The following PCDHA5 variants were observed in gnomAD, a reference collection of about 807,000 sequenced individuals.
PCDHA5 encodes the protein protocadherin alpha 5.
In PCDHA5, 43 loss-of-function variants were observed where a neutral mutation model predicts 61.6. The ratio of observed to expected loss-of-function variants is 0.70; its 90% confidence interval spans 0.55 to 0.90. The LOEUF (loss-of-function observed/expected upper bound fraction) is 0.90. PCDHA5 is among the 40% of genes least tolerant of loss of function. The pLI is 0.00. For synonymous variants in PCDHA5, 627 were observed against 543.9 expected (o/e 1.15, Z -2.13); for missense variants, 1,298 against 1,222.7 (o/e 1.06, Z -0.92).
chr5:140,963,288 G>A (rs908553196), intron 1 of PCDHA5, among the ~76,000 whole-genome samples: 2 of 152,126 alleles, frequency 1.3e-5, no homozygotes, highest in Non-Finnish European at 2.9e-5. Flanking sequence ...ATTTTATAAG[G>A]AGGAGAGAAA....
intron 1 of PCDHA5, among the ~76,000 whole-genome samples, chr5:140,831,411 G>A (rs1771518698): frequency 6.6e-6 from 1 of 151,592 alleles, no homozygotes; most frequent in South Asian, 2.1e-4. Context: ...CCATGCTGGA[G>A]TACAGTGGTG....
chr5:140,988,204 AG>A (rs2097287084), intron 3 of PCDHA5, among the ~76,000 whole-genome samples: 1 of 152,100 alleles, frequency 6.6e-6, no homozygotes, highest in South Asian at 2.1e-4. Context: ...TATCCTTATT[AG>A]GAAAAAAAAA....
intron 1 of PCDHA5, chr5:140,834,797 GA>G (rs2150227028): frequency 1.2e-6 from 2 of 1,613,022 alleles, no homozygotes; most frequent in South Asian, 2.2e-5. Flanking sequence ...CGACACAAAG[GA>G]ATCTGTTCAT....
intron 1 of PCDHA5, among the ~76,000 whole-genome samples, chr5:140,899,326 T>G (rs1203153086): frequency 6.6e-6 from 1 of 152,230 alleles, no homozygotes; most frequent in Non-Finnish European, 1.5e-5. Flanking sequence ...TGGCTGTGGG[T>G]TTGTCATAGA....
chr5:140,828,159 C>G lies in PCDHA5; in HGVS notation c.2352+4032C>G, dbSNP rs2150151568. On this transcript the variant is annotated intron_variant, in intron 1 of 3. Transcript: ENST00000529859. Reference sequence around the variant, plus strand: ...CTCCTCCCGCTTCTGCTCCTCGCAGCCTGGAAGGTGGGGAGCGGCCAGCTC... The same window carrying G: ...CTCCTCCCGCTTCTGCTCCTCGCAGGCTGGAAGGTGGGGAGCGGCCAGCTC... 4 of 1,614,180 alleles carry G rather than the reference C, an allele frequency of 2.5e-6. No individual in the cohort carries two copies.
intron 1 of PCDHA5, among the ~76,000 whole-genome samples, chr5:140,957,031 TG>T (rs1436652232): frequency 6.6e-6 from 1 of 152,182 alleles, no homozygotes; most frequent in Non-Finnish European, 1.5e-5. Flanking sequence ...TAGATATTTA[TG>T]GGAGTCATAT....
chr5:140,969,198 C>T lies in PCDHA5; in HGVS notation c.2353-9751C>T, dbSNP rs2096305688. ...AGTGACACTTTCATGTTTTACAATA[C>T]AGGGGCCCAGACAGGACCAGGGCCT... On this transcript the variant is annotated intron_variant, in intron 1 of 3. Coordinates refer to ENST00000529859, the MANE Select transcript of PCDHA5 (RefSeq NM_018908.3). 1 of 1,614,166 alleles carries T rather than the reference C, an allele frequency of 6.2e-7. No individual in the cohort carries two copies. Among genetic ancestry groups the T allele is most frequent in the Non-Finnish European group, 8.5e-7 (1 of 1,180,032 alleles).
intron 1 of PCDHA5, chr5:140,853,842 C>G: frequency 1.0e-6 from 1 of 986,448 alleles, no homozygotes; most frequent in Non-Finnish European, 1.2e-6. Flanking sequence ...AATTTTAGAT[C>G]CATAGCCCTA....
chr5:140,967,985 A>C, intron 1 of PCDHA5: 1 of 1,614,218 alleles, frequency 6.2e-7, no homozygotes, highest in Non-Finnish European at 8.5e-7. Context: ...TCTGGAGGCC[A>C]CACTGCCTTT....
intron 1 of PCDHA5, chr5:140,850,192 T>A (rs2150472322): frequency 6.3e-7 from 1 of 1,593,512 alleles, no homozygotes. Flanking sequence ...CCGGCGCTGC[T>A]GACACCTCGG....
At chr5:140,852,771 G>A (rs1284369835) in intron 1 of PCDHA5, 2 of 980,778 alleles carry the variant, frequency 2.0e-6, no homozygotes, top group African/African-American at 3.5e-5. Context: ...CTGATTATTT[G>A]ATGTGAATAG....
rs782727100 is a variant in PCDHA5, at chr5:140,877,121, C to G, written c.2352+52994C>G. 12 of 1,613,694 alleles carry G rather than the reference C, an allele frequency of 7.4e-6. No homozygotes were observed. In the South Asian group the frequency reaches 8.8e-5, roughly 12 times the overall value. ...GTGCCGCCTCTGGGCAGCAACGTGA[C>G]GCTGCAGGTGTTCGTGCTGGACGAG... is the stretch of plus-strand genomic sequence containing the variant. On this transcript the variant is annotated intron_variant, in intron 1 of 3. Coordinates refer to ENST00000529859, the MANE Select transcript of PCDHA5 (RefSeq NM_018908.3).
chr5:140,919,207 T>C (rs1554198972), intron 1 of PCDHA5, among the ~76,000 whole-genome samples: 1 of 152,222 alleles, frequency 6.6e-6, no homozygotes, highest in Non-Finnish European at 1.5e-5. Context: ...CATTATAAAA[T>C]GTCCTTCTTG....
At chr5:140,888,706 T>G (rs1554183604) in intron 1 of PCDHA5, among the ~76,000 whole-genome samples, 1 of 152,196 alleles carries the variant, frequency 6.6e-6, no homozygotes, top group African/African-American at 2.4e-5. Context: ...TTGGTAGGAA[T>G]GTGAAATATT....
chr5:140,822,863 C>G lies in PCDHA5; in HGVS notation c.1088C>G (p.Pro363Arg). ...TLFLPVKEDA[P>R]LSTVIALISV... ...TTCCTGCCTGTCAAAGAGGACGCTC[C>G]ACTCAGCACGGTCATTGCTCTGATC... is the stretch of plus-strand genomic sequence containing the variant. The change falls in exon 1 of 4, where the codon CCA becomes CGA. Residue 363 changes from proline to arginine, a missense_variant. By Grantham distance (103) the Pro-to-Arg change is moderately radical (BLOSUM62 -2). Coordinates refer to ENST00000529859, the MANE Select transcript of PCDHA5 (RefSeq NM_018908.3). 6.2e-7 allele frequency: 1 copy of G among 1,614,234 alleles called. No individual in the cohort carries two copies. The highest frequency in any genetic ancestry group is 8.5e-7 in the Non-Finnish European group (1 of 1,180,050).
intron 1 of PCDHA5, chr5:140,926,768 C>T: frequency 2.2e-6 from 3 of 1,361,764 alleles, no homozygotes; most frequent in Non-Finnish European, 2.9e-6. Context: ...GTATCCAGCC[C>T]GCAGCAGTGA....
intron 1 of PCDHA5, chr5:140,966,557 G>T: frequency 2.1e-6 from 1 of 477,538 alleles, no homozygotes; most frequent in Non-Finnish European, 3.5e-6. Context: ...GAGCGGAGGA[G>T]CTGGAATATG....
chr5:140,882,510 A>G (rs1276139359), intron 1 of PCDHA5: 1 of 1,614,046 alleles, frequency 6.2e-7, no homozygotes, highest in East Asian at 2.2e-5. Context: ...AATCTGCAGA[A>G]TGGCATTTTG....
chr5:140,858,149 G>C, intron 1 of PCDHA5: 1 of 1,597,572 alleles, frequency 6.3e-7, no homozygotes, highest in Non-Finnish European at 8.6e-7. Context: ...CCTGATCATC[G>C]CCATCTGCGC....
Sources: gnomAD v4.1 joint callset for allele counts (sites outside exome capture counted in the v4.1 genomes callset) on GRCh38, gnomAD v4.1.1 for gene constraint, MANE v1.5 for transcripts, NCBI Gene and HGNC (gene_info 2026-07-23, HGNC 2026-07-21) for gene names.